The following NCKAP5L variants were observed in gnomAD, a reference collection of about 807,000 sequenced individuals.
NCKAP5L encodes the protein nck-associated protein 5-like.
NCKAP5L carries 54 observed loss-of-function variants against 103.2 expected under a neutral mutation model. That is an observed-to-expected ratio of 0.52 (90% CI 0.42 to 0.66). The LOEUF is 0.66. Among genes scored for constraint, NCKAP5L ranks in the 30% least tolerant of loss-of-function variants. NCKAP5L has a pLI of 0.00. For missense variants in NCKAP5L, 1,733 were observed against 1,750.6 expected (o/e 0.99, Z 0.18); for synonymous variants, 762 against 748.6 (o/e 1.02, Z -0.29).
rs1289757142 is a variant in NCKAP5L at position 49,792,805 on chromosome 12, G to T, written c.3522C>A (p.His1174Gln). 1.3e-6 allele frequency: 2 copies of T among 1,599,442 alleles called. No homozygotes were observed. The highest frequency in any genetic ancestry group is 2.7e-5 in the African/African-American group (2 of 74,696). Residue 1174 changes from histidine to glutamine, a missense_variant, in exon 11 of 13, where the codon CAC becomes CAA. His to Gln is a conservative substitution (Grantham distance 24). Transcript: ENST00000335999. The surrounding 1 kb of genome is among the most constrained non-coding windows in gnomAD (Gnocchi z 4.5). ...PPLTKVPRRA[H>Q]TLEREVPGIE... The stretch of plus-strand genomic sequence containing the variant: ...TGCCTGGCACCTCCCGCTCCAGTGT[G>T]TGGGCGCGGCGGGGGACTTTGGTAA...
chr12:49,803,792 G>C, intron 3 of NCKAP5L, 130 bp downstream of exon 3: 1 of 1,245,304 alleles, frequency 8.0e-7, no homozygotes, highest in South Asian at 1.5e-5. Context: ...CTAGCCTCCT[G>C]CCTGGCAAAG....
chr12:49,813,988 T>C (rs1392978937), intron 1 of NCKAP5L, among the ~76,000 whole-genome samples: 2 of 151,948 alleles, frequency 1.3e-5, no homozygotes, highest in African/African-American at 4.8e-5. Context: ...AATTTTAAAA[T>C]TTTTTGTAAA....
chr12:49,796,606 G>A lies in NCKAP5L; in HGVS notation c.1254C>T (p.Gly418=). The A allele has an allele frequency of 1.2e-6, 2 of 1,600,994 alleles. No homozygotes were observed. Among genetic ancestry groups the A allele is most frequent in the Non-Finnish European group, 1.7e-6 (2 of 1,174,808 alleles). ...AGGAATGGGGGTGGCCAGGCCGAGAGCCCAGTGGGGCATCCCCAGCACCCA... is the reference window on the plus strand; with the variant it reads ...AGGAATGGGGGTGGCCAGGCCGAGAACCCAGTGGGGCATCCCCAGCACCCA... ...MFMGAGDAPL[G]SRPGHPHSSS... Residue 418 remains glycine, a synonymous_variant, in exon 8 of 13, where the codon GGC becomes GGT. Coordinates refer to ENST00000335999, the MANE Select transcript of NCKAP5L (RefSeq NM_001037806.4).
chr12:49,803,061 G>C, intron 4 of NCKAP5L, 36 bp downstream of exon 4: 1 of 1,614,156 alleles, frequency 6.2e-7, no homozygotes, highest in South Asian at 1.1e-5. Context: ...GAGCAGATGA[G>C]CCACATCCCC....
chr12:49,798,467 C>T lies in NCKAP5L; in HGVS notation c.352-4G>A. 6.4e-7 allele frequency: 1 copy of T among 1,568,114 alleles called. No homozygotes were observed. Among genetic ancestry groups the T allele is most frequent in the South Asian group, 1.2e-5 (1 of 85,370 alleles). On this transcript the variant is annotated splice_region_variant and splice_polypyrimidine_tract_variant and intron_variant, in intron 6 of 12. Transcript: ENST00000335999. Reference sequence around the variant, plus strand: ...GCTGGAGTGGAGTGAGTGGGATCTGCAGAGGGAGAGGCAGAGTTAGCACAG... The same window carrying T: ...GCTGGAGTGGAGTGAGTGGGATCTGTAGAGGGAGAGGCAGAGTTAGCACAG...
At position 49,821,039 on chromosome 12, in the gene NCKAP5L, C is replaced by T. The variant is rs140274765; in HGVS notation, c.-99+7283G>A. 3.6e-3 allele frequency among the ~76,000 whole-genome samples: 547 copies of T among 152,228 alleles called. 1 individual carries two copies. Among genetic ancestry groups the T allele is most frequent in the Non-Finnish European group, 5.7e-3 (386 of 68,014 alleles). On this transcript the variant is annotated intron_variant, in intron 1 of 12. Transcript: ENST00000335999. The stretch of plus-strand genomic sequence containing the variant: ...CAGCTGAGGAGCCAGGTCCCTTGTG[C>T]GGGGTAAGGGTGGGGTAAGGAGCTC...
Position 49,792,583 on chromosome 12 carries a change from A to C in NCKAP5L, c.3655T>G (p.Cys1219Gly). ...GGAGGGGTGGGGCCTGGGTCTTCAC[A>C]GGGATCTGTCCAGGAACAAAGGGAA... ...RGHETCPDDP[C>G]EDPGPTPPVQ... The change falls in exon 12 of 13, where the codon TGT becomes GGT. Residue 1219 changes from cysteine to glycine, a missense_variant. Physicochemically the swap from Cys to Gly is radical, Grantham distance 159. Transcript: ENST00000335999. The surrounding 1 kb of genome is among the most constrained non-coding windows in gnomAD (Gnocchi z 4.5). 6.2e-7 allele frequency: 1 copy of C among 1,613,768 alleles called. No individual in the cohort carries two copies. Among genetic ancestry groups the C allele is most frequent in the Non-Finnish European group, 8.5e-7 (1 of 1,179,804 alleles).
chr12:49,822,089 T>C (rs1383605259), intron 1 of NCKAP5L, among the ~76,000 whole-genome samples: 1 of 152,138 alleles, frequency 6.6e-6, no homozygotes, highest in Non-Finnish European at 1.5e-5. Flanking sequence ...ATGGGATTAG[T>C]GCTCTTATGA....
intron 1 of NCKAP5L, among the ~76,000 whole-genome samples, chr12:49,822,244 G>A (rs571733435): frequency 3.9e-4 from 60 of 152,216 alleles, no homozygotes; most frequent in African/African-American, 1.4e-3. Flanking sequence ...CTAGAGCTGT[G>A]AGAAATAAAT....
At chr12:49,798,695 A>G (rs978208701) in intron 6 of NCKAP5L, among the ~76,000 whole-genome samples, 1 of 152,154 alleles carries the variant, frequency 6.6e-6, no homozygotes, top group Admixed American at 6.5e-5. Context: ...GGCTTTGGAG[A>G]AACATGAATG....
chr12:49,823,985 G>A (rs1349343076), intron 1 of NCKAP5L, among the ~76,000 whole-genome samples: 1 of 152,226 alleles, frequency 6.6e-6, no homozygotes, highest in Non-Finnish European at 1.5e-5. Context: ...CTGCTGGGCG[G>A]TGGGGGGTGA....
Position 49,793,466 on chromosome 12 carries a change from T to C in NCKAP5L, c.3259-33A>G, listed in dbSNP as rs115725769. 4,735 of 1,593,760 alleles carry C rather than the reference T, an allele frequency of 3.0e-3. 112 individuals carry two copies. The African/African-American group carries it at 0.055, about 18-fold the overall frequency. On this transcript the variant is annotated intron_variant, in intron 9 of 12. Coordinates refer to ENST00000335999, the MANE Select transcript of NCKAP5L (RefSeq NM_001037806.4). ...GGATACAGGAGACCTCATAGTCCACTCCTCCCCCCTCCACACCCCTCCCCA... is the reference window on the plus strand; with the variant it reads ...GGATACAGGAGACCTCATAGTCCACCCCTCCCCCCTCCACACCCCTCCCCA...
In NCKAP5L at chr12:49,791,917, G is replaced by T. The variant is rs201642902; in HGVS notation, c.3927C>A (p.Gly1309=). 4.7e-4 allele frequency: 763 copies of T among 1,611,840 alleles called. 2 individuals are homozygous for T. The highest frequency in any genetic ancestry group is 5.8e-4 in the Non-Finnish European group (684 of 1,179,344). Residue 1309 remains glycine (G), a synonymous_variant, in exon 13 of 13, where the codon GGC becomes GGA. Transcript: ENST00000335999. ...ACTCCGAGGTCTCCAGCCCTGGGGGGCCCCCGCTGGCCACTCTGCCTTCCT... is the reference window on the plus strand; with the variant it reads ...ACTCCGAGGTCTCCAGCCCTGGGGGTCCCCCGCTGGCCACTCTGCCTTCCT... ...MAEEGRVASG[G]PPGLETSESL... is the part of the protein sequence containing the mutation.
At chr12:49,825,514 G>A (rs1263975562) in intron 1 of NCKAP5L, among the ~76,000 whole-genome samples, 5 of 152,180 alleles carry the variant, frequency 3.3e-5, no homozygotes, top group Non-Finnish European at 5.9e-5. Context: ...GCCTCTGGCT[G>A]GCCAGCCTCA....
chr12:49,814,341 G>A (rs971310045), intron 1 of NCKAP5L, among the ~76,000 whole-genome samples: 1 of 151,244 alleles, frequency 6.6e-6, no homozygotes, highest in Non-Finnish European at 1.5e-5. Context: ...AAAATTAGCT[G>A]GGTGTGGTGG....
intron 1 of NCKAP5L, among the ~76,000 whole-genome samples, chr12:49,812,016 C>T (rs375873056): frequency 1.3e-5 from 2 of 152,186 alleles, no homozygotes; most frequent in South Asian, 4.1e-4. Flanking sequence ...TCTGTGACCA[C>T]TTCCTCCTGG....
In NCKAP5L at chr12:49,795,171, G is replaced by A. The variant is rs1180910026; in HGVS notation, c.2689C>T (p.Arg897Trp). The change falls in exon 8 of 13, where the codon CGG becomes TGG. Residue 897 changes from arginine to tryptophan, a missense_variant. Transcript: ENST00000335999. Reference sequence around the variant, plus strand: ...GGGGCTCGCTCCTGGCCCTGGAGCCGCAGCACGTTCTCCTCAATGCCCTTC... The same window carrying A: ...GGGGCTCGCTCCTGGCCCTGGAGCCACAGCACGTTCTCCTCAATGCCCTTC... The part of the protein sequence containing the change: ...VMKGIEENVL[R>W]LQGQERAPGA... The A allele has an allele frequency of 2.6e-5, 41 of 1,604,268 alleles. No individual in the cohort carries two copies. Among genetic ancestry groups the A allele is most frequent in the East Asian group, 4.5e-5 (2 of 44,792 alleles).
rs544763546 is a variant in NCKAP5L, at chr12:49,794,986, G to A, written c.2874C>T (p.Ala958=). ...SPLRREVKME[A]RKLEAESLNI... is the part of the protein sequence containing the mutation. ...TGAGGCTCTCGGCCTCCAGCTTCCG[G>A]GCTTCCATCTTGACTTCCCTCCGGA... Residue 958 remains alanine (A), a synonymous_variant, in exon 8 of 13, where the codon GCC becomes GCT. Coordinates refer to ENST00000335999, the MANE Select transcript of NCKAP5L (RefSeq NM_001037806.4). 1.1e-4 allele frequency: 183 copies of A among 1,593,568 alleles called. 1 individual carries two copies. Among genetic ancestry groups the A allele is most frequent in the Admixed American group, 2.3e-4 (13 of 55,984 alleles).
chr12:49,792,992 GA>G lies in NCKAP5L; in HGVS notation c.3341-7del. 1.3e-6 allele frequency: 2 copies of G among 1,516,046 alleles called. No homozygotes were observed. The highest frequency in any genetic ancestry group is 2.0e-4 in the Middle Eastern group (1 of 5,058). The allele number at this position is 1,516,046 out of a possible 1,614,324, so 93.9% of individuals were successfully genotyped here. A position where few individuals can be genotyped will look rare whatever the true frequency, so the allele number is the denominator to read the frequency against. On this transcript the variant is annotated splice_region_variant and splice_polypyrimidine_tract_variant and intron_variant, in intron 10 of 12. Transcript: ENST00000335999. The surrounding 1 kb of genome is among the most constrained non-coding windows in gnomAD (Gnocchi z 4.5). Reference sequence around the variant, plus strand: ...TCGAGTCAAGGAGCCACAGGCTGGGGAGGGGAGGGGAGGGCCCGTTAAGAGT... The same window carrying G: ...TCGAGTCAAGGAGCCACAGGCTGGGGGGGGAGGGGAGGGCCCGTTAAGAGT...
Sources: allele counts gnomAD v4.1 joint callset (sites outside exome capture counted in the v4.1 genomes callset), GRCh38; gene constraint gnomAD v4.1.1; non-coding constraint Gnocchi (gnomAD v3.1); transcripts MANE v1.5; gene names NCBI Gene and HGNC (gene_info 2026-07-23, HGNC 2026-07-21).